GPC5: variants seen among roughly 807,000 people sequenced by gnomAD.
GPC5 encodes glypican-5.
In GPC5, 47 loss-of-function variants were observed where a neutral mutation model predicts 53.9. The observed-to-expected ratio is 0.87, with a 90% CI of 0.69 to 1.11. The LOEUF (loss-of-function observed/expected upper bound fraction) is 1.11. GPC5 is among the 50% of genes most tolerant of loss of function. GPC5 has a pLI of 0.00. For synonymous variants in GPC5, 286 were observed against 263.3 expected (o/e 1.09, Z -0.84); for missense variants, 748 against 713.1 (o/e 1.05, Z -0.56).
chr13:91,599,978 G>A (rs1409571791), intron 2 of GPC5, among the ~76,000 whole-genome samples: 2 of 152,176 alleles, frequency 1.3e-5, no homozygotes, highest in East Asian at 1.9e-4. Context: ...CTGGAGTGCA[G>A]TGGTGCGATC....
chr13:91,490,888 T>C (rs576907428), intron 2 of GPC5, among the ~76,000 whole-genome samples: 3 of 152,280 alleles, frequency 2.0e-5, no homozygotes, highest in Non-Finnish European at 4.4e-5. Context: ...TTTTGAAACC[T>C]AGATATGAAT....
At chr13:92,334,592 A>C (rs1318529456) in intron 7 of GPC5, among the ~76,000 whole-genome samples, 1 of 152,152 alleles carries the variant, frequency 6.6e-6, no homozygotes, top group Admixed American at 6.5e-5. Flanking sequence ...GAAAAGTCCA[A>C]GTCCAAAGCC....
intron 5 of GPC5, among the ~76,000 whole-genome samples, chr13:91,853,681 A>G (rs9589361): frequency 2.7e-3 from 406 of 152,146 alleles, no homozygotes; most frequent in African/African-American, 9.1e-3. Flanking sequence ...TGACTTTGAA[A>G]TATTTTAACT....
At chr13:92,746,589 A>T (rs1176625184) in intron 7 of GPC5, among the ~76,000 whole-genome samples, 1 of 152,110 alleles carries the variant, frequency 6.6e-6, no homozygotes, top group Non-Finnish European at 1.5e-5. Flanking sequence ...CAATGTGTCT[A>T]TCAAAAACCA....
intron 7 of GPC5, among the ~76,000 whole-genome samples, chr13:92,310,273 A>G (rs750853340): frequency 6.6e-6 from 1 of 151,992 alleles, no homozygotes; most frequent in Non-Finnish European, 1.5e-5. Flanking sequence ...TCTTTTATCT[A>G]TGTATTTTTA....
intron 2 of GPC5, among the ~76,000 whole-genome samples, chr13:91,464,584 T>C (rs970101374): frequency 6.6e-6 from 1 of 152,168 alleles, no homozygotes; most frequent in African/African-American, 2.4e-5. Context: ...GGATGGACTT[T>C]AATGGAATTA....
intron 5 of GPC5, among the ~76,000 whole-genome samples, chr13:91,847,329 G>A (rs762108435): frequency 4.0e-5 from 6 of 151,690 alleles, no homozygotes; most frequent in Non-Finnish European, 7.4e-5. Context: ...CTGTTAAATA[G>A]GTTTCTATAT....
At chr13:92,815,139 G>T (rs184421604) in intron 7 of GPC5, among the ~76,000 whole-genome samples, 13 of 152,030 alleles carry the variant, frequency 8.6e-5, no homozygotes, top group Non-Finnish European at 1.6e-4. Context: ...TGATAGGTTA[G>T]ATTGACAATA....
chr13:92,596,519 G>A (rs1883886495), intron 7 of GPC5, among the ~76,000 whole-genome samples: 1 of 151,848 alleles, frequency 6.6e-6, no homozygotes, highest in African/African-American at 2.4e-5. Flanking sequence ...CTGTCGCCAG[G>A]CTGGAGTGCA....
At chr13:92,551,483 C>T (rs998704469) in intron 7 of GPC5, among the ~76,000 whole-genome samples, 4 of 151,696 alleles carry the variant, frequency 2.6e-5, no homozygotes, top group Non-Finnish European at 4.4e-5. Flanking sequence ...ATTTACTTTG[C>T]AAAAACAGAG....
intron 6 of GPC5, among the ~76,000 whole-genome samples, chr13:91,952,012 GACTA>G (rs1188964871): frequency 6.6e-6 from 1 of 152,114 alleles, no homozygotes; most frequent in African/African-American, 2.4e-5. Context: ...TTAAAATGAT[GACTA>G]ACTGAATTAT....
intron 6 of GPC5, among the ~76,000 whole-genome samples, chr13:92,098,170 C>T (rs755679200): frequency 1.2e-4 from 18 of 152,252 alleles, no homozygotes; most frequent in Non-Finnish European, 2.6e-4. Flanking sequence ...ACACTCCACC[C>T]TCTTGTAGGC....
chr13:91,988,289 T>C (rs2040426962), intron 6 of GPC5, among the ~76,000 whole-genome samples: 1 of 152,168 alleles, frequency 6.6e-6, no homozygotes, highest in African/African-American at 2.4e-5. Flanking sequence ...TCCTTGTATA[T>C]GAGAAAGCCA....
chr13:92,343,683 ACT>A (rs774764521), intron 7 of GPC5, among the ~76,000 whole-genome samples: 6 of 152,036 alleles, frequency 3.9e-5, no homozygotes, highest in Non-Finnish European at 5.9e-5. Context: ...ATTTTTTCTA[ACT>A]CTAACCACAT....
intron 7 of GPC5, among the ~76,000 whole-genome samples, chr13:92,289,899 C>T (rs1224448513): frequency 6.6e-6 from 1 of 152,016 alleles, no homozygotes. Flanking sequence ...TCAAAGAGAC[C>T]TAACAAATAT....
At chr13:91,794,734 A>G (rs2038020954) in intron 5 of GPC5, among the ~76,000 whole-genome samples, 1 of 152,250 alleles carries the variant, frequency 6.6e-6, no homozygotes. Flanking sequence ...ACCCTGGTTC[A>G]AGGACAAATC....
At chr13:91,838,138 A>G (rs1324208068) in intron 5 of GPC5, among the ~76,000 whole-genome samples, 2 of 152,134 alleles carry the variant, frequency 1.3e-5, no homozygotes, top group Non-Finnish European at 2.9e-5. Context: ...CAAAAGAAAA[A>G]CATTTCAGTG....
intron 7 of GPC5, among the ~76,000 whole-genome samples, chr13:92,445,480 A>T (rs1594208580): frequency 1.3e-5 from 1 of 78,772 alleles, no homozygotes; most frequent in African/African-American, 5.0e-5. Flanking sequence ...CCCACCCCAC[A>T]ACAGTCCCCA....
At chr13:92,820,019 T>C (rs1416968052) in intron 7 of GPC5, among the ~76,000 whole-genome samples, 1 of 152,176 alleles carries the variant, frequency 6.6e-6, no homozygotes, top group African/African-American at 2.4e-5. Flanking sequence ...CCCTCTTCTC[T>C]GCTTCCTCTC....
Sources: gnomAD v4.1 joint callset for allele counts (sites outside exome capture counted in the v4.1 genomes callset) on GRCh38, gnomAD v4.1.1 for gene constraint, MANE v1.5 for transcripts, NCBI Gene and HGNC (gene_info 2026-07-23, HGNC 2026-07-21) for gene names.